Variants in MGAT5 observed in about 807,000 individuals in gnomAD.
MGAT5 encodes alpha-1,6-mannosylglycoprotein 6-beta-N-acetylglucosaminyltransferase A.
Under a neutral mutation model 94.3 loss-of-function variants are expected in MGAT5, and 30 were observed. The ratio of observed to expected loss-of-function variants is 0.32; its 90% CI spans 0.24 to 0.43. The LOEUF (loss-of-function observed/expected upper bound fraction) is 0.43. MGAT5 is among the 20% of genes least tolerant of loss of function. MGAT5 has a pLI of 1.00. For missense variants in MGAT5, 691 were observed against 905.5 expected, an observed-to-expected ratio of 0.76 and a Z score of 3.04; for synonymous variants, 310 against 322.9, an observed-to-expected ratio of 0.96 and a Z score of 0.43.
intron 1 of MGAT5, among the ~76,000 whole-genome samples, chr2:134,266,496 C>T (rs963676651): frequency 1.3e-5 from 2 of 152,254 alleles, no homozygotes; most frequent in African/African-American, 2.4e-5. Context: ...GCTAGGATTA[C>T]AGGCGTGAGC....
At chr2:134,151,367 C>A in intron 1 of MGAT5, among the ~76,000 whole-genome samples, 1 of 132,834 alleles carries the variant, frequency 7.5e-6, no homozygotes, top group Admixed American at 7.3e-5. Flanking sequence ...CTCACTCACC[C>A]ATGCCCTGTG....
rs933280981 is a variant in MGAT5 at position 134,410,295 on chromosome 2, C to T, written c.1531-2574C>T. 2.0e-5 allele frequency among the ~76,000 whole-genome samples: 3 copies of T among 152,294 alleles called. No homozygotes were observed. In the East Asian group the frequency reaches 5.8e-4, roughly 29 times the overall value. On this transcript the variant is annotated intron_variant, in intron 11 of 15. Coordinates refer to ENST00000281923, the MANE Select transcript of MGAT5 (RefSeq NM_002410.5). The stretch of plus-strand genomic sequence containing the variant: ...TTCAAACCTCAGATGTGCTATTTGA[C>T]CTTAATACATCTGCTCCATTGTAAT...
intron 1 of MGAT5, among the ~76,000 whole-genome samples, chr2:134,123,238 A>G (rs1409393313): frequency 2.6e-5 from 4 of 152,152 alleles, no homozygotes; most frequent in African/African-American, 7.2e-5. Flanking sequence ...AGGCCTTTGG[A>G]AGTATGAGTT....
At chr2:134,129,746 T>C (rs796142230) in intron 1 of MGAT5, among the ~76,000 whole-genome samples, 1 of 152,072 alleles carries the variant, frequency 6.6e-6, no homozygotes, top group Admixed American at 6.5e-5. Context: ...TGTTCTGGCT[T>C]ATGTAATTGT....
At chr2:134,329,323 G>T (rs911714695) in intron 4 of MGAT5, among the ~76,000 whole-genome samples, 2 of 152,092 alleles carry the variant, frequency 1.3e-5, no homozygotes, top group Non-Finnish European at 2.9e-5. Context: ...CAGCATTTGA[G>T]TATGTGTAGA....
intron 10 of MGAT5, among the ~76,000 whole-genome samples, chr2:134,394,131 A>C (rs973828870): frequency 2.0e-5 from 3 of 152,082 alleles, no homozygotes; most frequent in African/African-American, 7.2e-5. Flanking sequence ...ATTTCTACAT[A>C]ATTACTATAT....
In MGAT5 at chr2:134,280,017, T is replaced by C. The variant is rs867923980; in HGVS notation, c.406+9467T>C. On this transcript the variant is annotated intron_variant, in intron 2 of 15. Coordinates refer to ENST00000281923, the MANE Select transcript of MGAT5 (RefSeq NM_002410.5). ...ATCTGACTCCATGTTTTTGAAAAGGTTTTGTAGGTTTGAAGATTTCTGGGG... is the reference window on the plus strand; with the variant it reads ...ATCTGACTCCATGTTTTTGAAAAGGCTTTGTAGGTTTGAAGATTTCTGGGG... 3.9e-5 allele frequency among the ~76,000 whole-genome samples: 6 copies of C among 152,040 alleles called. 1 individual carries two copies. Among genetic ancestry groups the C allele is most frequent in the African/African-American group, 1.4e-4 (6 of 41,400 alleles).
At chr2:134,215,219 C>T (rs552951053) in intron 1 of MGAT5, among the ~76,000 whole-genome samples, 1 of 152,278 alleles carries the variant, frequency 6.6e-6, no homozygotes, top group East Asian at 1.9e-4. Context: ...AGGATTAGTG[C>T]TTCTGGAAAC....
chr2:134,264,194 G>T (rs1376476295), intron 1 of MGAT5, among the ~76,000 whole-genome samples: 1 of 151,774 alleles, frequency 6.6e-6, no homozygotes. Context: ...AGTTAATTTT[G>T]TATTTTTAGT....
chr2:134,401,091 C>CT (rs111777946), intron 10 of MGAT5, among the ~76,000 whole-genome samples: 24,960 of 150,860 alleles, frequency 0.17, 2,193 homozygotes, highest in African/African-American at 0.2. Context: ...TTCTACTCCT[C>CT]TTTTTTTTTC....
At chr2:134,434,749 C>T (rs1685077367) in intron 14 of MGAT5, among the ~76,000 whole-genome samples, 1 of 152,170 alleles carries the variant, frequency 6.6e-6, no homozygotes, top group Admixed American at 6.5e-5. Context: ...CCACTTTCCC[C>T]TTCCCTAGAG....
intron 1 of MGAT5, among the ~76,000 whole-genome samples, chr2:134,162,312 A>G (rs1223907612): frequency 1.3e-5 from 2 of 152,292 alleles, no homozygotes; most frequent in East Asian, 3.9e-4. Flanking sequence ...GCGGGTTGTC[A>G]GCTGAAACTC....
At chr2:134,202,390 A>AGCT (rs1679830519) in intron 1 of MGAT5, among the ~76,000 whole-genome samples, 22 of 152,226 alleles carry the variant, frequency 1.4e-4, no homozygotes, top group Admixed American at 3.9e-4. Context: ...CACAGCTAGA[A>AGCT]ATGGCATCTA....
rs141710044 is a variant in MGAT5 at position 134,407,641 on chromosome 2, C to A, written c.1530+4504C>A. Among the ~76,000 whole-genome samples, 230 of 152,256 alleles carry A rather than the reference C, an allele frequency of 1.5e-3. 3 individuals are homozygous for A. The highest frequency in any genetic ancestry group is 5.2e-3 in the African/African-American group (217 of 41,538). On this transcript the variant is annotated intron_variant, in intron 11 of 15. Coordinates refer to ENST00000281923, the MANE Select transcript of MGAT5 (RefSeq NM_002410.5). ...GATATATTCTAGGCCTTAGTCTAGC[C>A]ATTCTAGAGACAGTGATGACTCAAG...
At chr2:134,147,240 A>G (rs891270331) in intron 1 of MGAT5, among the ~76,000 whole-genome samples, 1 of 152,250 alleles carries the variant, frequency 6.6e-6, no homozygotes, top group African/African-American at 2.4e-5. Context: ...AAAAGAACCC[A>G]GTGCTGTAAC....
intron 1 of MGAT5, among the ~76,000 whole-genome samples, chr2:134,172,394 T>C (rs1688253824): frequency 6.6e-6 from 1 of 151,622 alleles, no homozygotes; most frequent in South Asian, 2.1e-4. Flanking sequence ...TTTTTTTAAT[T>C]AATTATTTTT....
At chr2:134,255,113 A>C (rs1459525108) in intron 1 of MGAT5, among the ~76,000 whole-genome samples, 1 of 152,134 alleles carries the variant, frequency 6.6e-6, no homozygotes, top group Non-Finnish European at 1.5e-5. Flanking sequence ...TAAATATGAC[A>C]CTGGCACTTG....
intron 10 of MGAT5, 89 bp from the exon 11 acceptor site, chr2:134,402,899 C>A (rs1172928676): frequency 7.6e-7 from 1 of 1,311,862 alleles, no homozygotes; most frequent in African/African-American, 1.5e-5. Flanking sequence ...TGTCTGTGGC[C>A]TCTAGTCTTA....
At chr2:134,261,726 A>G (rs1238794876) in intron 1 of MGAT5, among the ~76,000 whole-genome samples, 3 of 152,170 alleles carry the variant, frequency 2.0e-5, no homozygotes, top group Non-Finnish European at 4.4e-5. Flanking sequence ...GTTCTGAAAG[A>G]GGAGGGACTT....
Sources: allele counts gnomAD v4.1 joint callset (sites outside exome capture counted in the v4.1 genomes callset), GRCh38; gene constraint gnomAD v4.1.1; transcripts MANE v1.5; gene names NCBI Gene and HGNC (gene_info 2026-07-23, HGNC 2026-07-21).